The following CTNNA3 variants were observed in gnomAD, a reference collection of about 807,000 sequenced individuals.
The protein encoded by CTNNA3 is catenin alpha-3.
Under a neutral mutation model 95.7 loss-of-function variants are expected in CTNNA3, and 76 were observed. The observed-to-expected ratio is 0.79, with a 90% CI of 0.66 to 0.96. The LOEUF (loss-of-function observed/expected upper bound fraction) is 0.96, where lower values mean the gene tolerates loss of function less well. CTNNA3 is among the 40% of genes least tolerant of loss of function. The pLI, the probability that CTNNA3 is intolerant of heterozygous loss-of-function variation, is 0.00. For missense variants in CTNNA3, 1,191 were observed against 1,089.8 expected, an observed-to-expected ratio of 1.09 and a Z score of -1.31; for synonymous variants, 431 against 374.4, an observed-to-expected ratio of 1.15 and a Z score of -1.74.
At chr10:66,033,432 G>A (rs1372343936) in intron 15 of CTNNA3, among the ~76,000 whole-genome samples, 1 of 152,096 alleles carries the variant, frequency 6.6e-6, no homozygotes, top group African/African-American at 2.4e-5. Context: ...ACTGTGCCCG[G>A]CATAATTGTT....
intron 16 of CTNNA3, among the ~76,000 whole-genome samples, chr10:65,984,213 AATATAC>A (rs2078379856): frequency 6.6e-6 from 1 of 151,288 alleles, no homozygotes; most frequent in Non-Finnish European, 1.5e-5. Flanking sequence ...TTTTTTTCAT[AATATAC>A]ATAGACACTG....
At chr10:66,431,560 G>A (rs1349964827) in intron 11 of CTNNA3, among the ~76,000 whole-genome samples, 3 of 151,962 alleles carry the variant, frequency 2.0e-5, no homozygotes, top group Non-Finnish European at 4.4e-5. Context: ...GGAATACTAT[G>A]CAGCCATAAA....
intron 1 of CTNNA3, among the ~76,000 whole-genome samples, chr10:67,657,779 G>A (rs954998087): frequency 4.0e-5 from 6 of 150,022 alleles, no homozygotes; most frequent in African/African-American, 9.9e-5. Context: ...CCTGGGAGGC[G>A]GAGGTTGCAG....
chr10:67,100,740 C>T (rs887149374), intron 7 of CTNNA3, among the ~76,000 whole-genome samples: 4 of 151,692 alleles, frequency 2.6e-5, no homozygotes, highest in African/African-American at 9.7e-5. Context: ...TCACAAACCA[C>T]ATTTTACATA....
chr10:66,475,658 ATGAGATATCG>A (rs1839298072), intron 11 of CTNNA3, among the ~76,000 whole-genome samples: 1 of 152,128 alleles, frequency 6.6e-6, no homozygotes, highest in Non-Finnish European at 1.5e-5. Flanking sequence ...CTAAACTACA[ATGAGATATCG>A]TCTCACGCCA....
At chr10:67,559,246 G>A (rs185499442) in intron 3 of CTNNA3, among the ~76,000 whole-genome samples, 3 of 152,284 alleles carry the variant, frequency 2.0e-5, no homozygotes, top group Admixed American at 2.0e-4. Flanking sequence ...CCCCCAGTAG[G>A]GGCAGACTGA....
At chr10:66,421,906 A>G (rs1392712465) in intron 11 of CTNNA3, among the ~76,000 whole-genome samples, 1 of 144,730 alleles carries the variant, frequency 6.9e-6, no homozygotes, top group Non-Finnish European at 1.5e-5. Context: ...TGATATATAT[A>G]TATATATATA....
chr10:67,703,611 C>T (rs1396034858), intron 1 of CTNNA3, among the ~76,000 whole-genome samples: 3 of 152,216 alleles, frequency 2.0e-5, no homozygotes, highest in East Asian at 1.9e-4. Context: ...AATTAGGTAT[C>T]GATGGGATGT....
intron 14 of CTNNA3, among the ~76,000 whole-genome samples, chr10:66,081,809 T>C (rs923803542): frequency 2.0e-5 from 3 of 152,028 alleles, no homozygotes; most frequent in Non-Finnish European, 4.4e-5. Context: ...GGAACAAAAT[T>C]GAATAGTCTT....
intron 7 of CTNNA3, among the ~76,000 whole-genome samples, chr10:67,045,729 C>T (rs547726077): frequency 6.6e-6 from 1 of 152,118 alleles, no homozygotes; most frequent in Non-Finnish European, 1.5e-5. Context: ...CCGAGACCAG[C>T]CAAGGCCCCC....
chr10:67,481,283 T>G (rs1259624749), intron 5 of CTNNA3, among the ~76,000 whole-genome samples: 1 of 152,012 alleles, frequency 6.6e-6, no homozygotes, highest in Non-Finnish European at 1.5e-5. Context: ...GCTGCAACAA[T>G]GAGGCAAGAG....
chr10:66,864,463 C>T (rs1324986146), intron 7 of CTNNA3, among the ~76,000 whole-genome samples: 4 of 152,276 alleles, frequency 2.6e-5, no homozygotes, highest in Non-Finnish European at 5.9e-5. Flanking sequence ...TCCTCCAGAA[C>T]TATCAGAAGT....
At chr10:65,970,051 C>A (rs1327606674) in intron 16 of CTNNA3, among the ~76,000 whole-genome samples, 1 of 152,036 alleles carries the variant, frequency 6.6e-6, no homozygotes. Context: ...CAAAGGAAAT[C>A]CCAAAAGGTT....
chr10:67,171,964 A>G (rs1862040140), intron 7 of CTNNA3, among the ~76,000 whole-genome samples: 1 of 152,176 alleles, frequency 6.6e-6, no homozygotes, highest in Non-Finnish European at 1.5e-5. Context: ...TTGCAAACTA[A>G]TGGCCAGTAC....
intron 13 of CTNNA3, among the ~76,000 whole-genome samples, chr10:66,269,528 T>C (rs910143617): frequency 1.3e-4 from 20 of 152,246 alleles, no homozygotes; most frequent in African/African-American, 4.6e-4. Context: ...AAATAATTTT[T>C]GTTATGGGAT....
chr10:66,962,347 C>A, intron 7 of CTNNA3, among the ~76,000 whole-genome samples: 1 of 152,050 alleles, frequency 6.6e-6, no homozygotes, highest in East Asian at 1.9e-4. Context: ...GCCTATAATA[C>A]TCTTGCCCCA....
intron 7 of CTNNA3, among the ~76,000 whole-genome samples, chr10:66,917,292 T>C (rs145919654): frequency 1.1e-3 from 163 of 152,318 alleles, no homozygotes; most frequent in Non-Finnish European, 1.8e-3. Context: ...ACATGGGGGC[T>C]CTGCTGTTAG....
At chr10:66,708,331 G>A (rs998903727) in intron 9 of CTNNA3, among the ~76,000 whole-genome samples, 1 of 151,972 alleles carries the variant, frequency 6.6e-6, no homozygotes, top group Non-Finnish European at 1.5e-5. Flanking sequence ...GGCAGGTCTA[G>A]TTTCTTCTGA....
chr10:66,632,233 T>G (rs942792793), intron 9 of CTNNA3, among the ~76,000 whole-genome samples: 7 of 151,990 alleles, frequency 4.6e-5, no homozygotes, highest in Admixed American at 3.3e-4. Flanking sequence ...GAAGAATATA[T>G]GAAAGGCTGG....
Sources: gnomAD v4.1 joint callset for allele counts (sites outside exome capture counted in the v4.1 genomes callset) on GRCh38, gnomAD v4.1.1 for gene constraint, MANE v1.5 for transcripts, NCBI Gene and HGNC (gene_info 2026-07-23, HGNC 2026-07-21) for gene names.